ISLR2: variants seen among roughly 807,000 people sequenced by gnomAD.
ISLR2 encodes immunoglobulin superfamily containing leucine-rich repeat protein 2.
Under a neutral mutation model 25.5 loss-of-function variants are expected in ISLR2, and 16 were observed. The ratio of observed to expected loss-of-function variants is 0.63; its 90% CI spans 0.43 to 0.95. ISLR2 has a LOEUF of 0.95. Ranked by LOEUF, ISLR2 falls within the 40% of genes least tolerant of loss-of-function variation. The pLI is 0.00. For missense variants in ISLR2, 883 were observed against 1,030.7 expected (o/e 0.86, Z 1.96); for synonymous variants, 508 against 486.6 (o/e 1.04, Z -0.58).
At position 74,123,083 on chromosome 15, in the gene ISLR2, T is replaced by G. The variant is rs566905267; in HGVS notation, n.229-8124T>G. Among the ~76,000 whole-genome samples the G allele has an allele frequency of 4.6e-5, 7 of 152,170 alleles. No homozygotes were observed. In the South Asian group the frequency reaches 1.5e-3, roughly 32 times the overall value. ...TCAGTGATCAGATTTTAACCTCAAA[T>G]AGCAGTGCCCCAACCGCCCCTGAAT... is the stretch of plus-strand genomic sequence containing the variant. On this transcript the variant is annotated intron_variant and non_coding_transcript_variant, in intron 2 of 3. Transcript: ENST00000561975.
Position 74,134,782 on chromosome 15 carries a change from C to T in ISLR2, c.2028C>T (p.Gly676=). The T allele has an allele frequency of 1.2e-6, 2 of 1,613,936 alleles. No individual in the cohort carries two copies. Among genetic ancestry groups the T allele is most frequent in the East Asian group, 4.5e-5 (2 of 44,846 alleles). ...GEEPEDVQGE[G]LDEDAEQGDP... ...AGCCAGAGGACGTGCAGGGGGAGGG[C>T]CTTGATGAAGACGCGGAGCAGGGAG... is the stretch of plus-strand genomic sequence containing the variant. The change falls in exon 3 of 3, where the codon GGC becomes GGT. Residue 676 remains glycine (G), a synonymous_variant. Transcript: ENST00000453268.
Position 74,133,340 on chromosome 15 carries a change from G to A in ISLR2, c.586G>A (p.Ala196Thr), listed in dbSNP as rs1351699934. The change falls in exon 3 of 3, where the codon GCC (alanine) becomes ACC (threonine). Residue 196 changes from alanine to threonine, a missense_variant. Ala to Thr is a moderately conservative substitution (Grantham distance 58, BLOSUM62 0). Coordinates refer to ENST00000453268, the MANE Select transcript of ISLR2 (RefSeq NM_020851.3). The stretch of plus-strand genomic sequence containing the variant: ...CGGCCTTGTGTGGCTGCAGGCCTGG[G>A]CCGCGAGCACCCGGGTGTCCTTACC... ...GCGLVWLQAW[A>T]ASTRVSLPEP... The A allele has an allele frequency of 1.2e-6, 2 of 1,608,958 alleles. No individual in the cohort carries two copies. The highest frequency in any genetic ancestry group is 1.1e-5 in the South Asian group (1 of 91,060).
chr15:74,135,109 T>G lies in ISLR2; in HGVS notation c.*117T>G. 1.6e-6 allele frequency: 2 copies of G among 1,261,088 alleles called. No individual in the cohort carries two copies. Among genetic ancestry groups the G allele is most frequent in the East Asian group, 4.7e-5 (2 of 42,160 alleles). The allele number at this position is 1,261,088 out of a possible 1,614,324, so 78.1% of individuals were successfully genotyped here. On this transcript the variant is annotated 3_prime_UTR_variant, in exon 3 of 3. Coordinates refer to ENST00000453268, the MANE Select transcript of ISLR2 (RefSeq NM_020851.3). ...CCCAACCTTCACCTACTCCTCCCCCTTACTACTCCCCAACCTTGACTACCA... is the reference window on the plus strand; with the variant it reads ...CCCAACCTTCACCTACTCCTCCCCCGTACTACTCCCCAACCTTGACTACCA...
chr15:74,138,928 G>A (rs2141970034), downstream of ISLR2, among the ~76,000 whole-genome samples: 1 of 152,312 alleles, frequency 6.6e-6, no homozygotes, highest in African/African-American at 2.4e-5. Context: ...GGCCTGGCTG[G>A]GCCAGTGAGT....
intron 2 of ISLR2, among the ~76,000 whole-genome samples, chr15:74,117,193 T>C (rs1653319919): frequency 6.6e-6 from 1 of 152,198 alleles, no homozygotes; most frequent in African/African-American, 2.4e-5. Flanking sequence ...CCCAGATCCC[T>C]TTGGAGAAGG....
intron 2 of ISLR2, among the ~76,000 whole-genome samples, chr15:74,111,043 G>A (rs1447671748): frequency 2.8e-4 from 43 of 151,152 alleles, no homozygotes; most frequent in Admixed American, 2.8e-3. Flanking sequence ...AGGAGGCTGA[G>A]GCAGGAGAAT....
chr15:74,115,088 A>G (rs558868703), intron 2 of ISLR2, among the ~76,000 whole-genome samples: 2 of 152,360 alleles, frequency 1.3e-5, no homozygotes, highest in African/African-American at 4.8e-5. Flanking sequence ...GAAAGCAGAC[A>G]GAAGAATCCC....
intron 1 of ISLR2, among the ~76,000 whole-genome samples, chr15:74,100,752 A>G (rs2072078342): frequency 2.0e-5 from 3 of 147,016 alleles, no homozygotes; most frequent in Non-Finnish European, 4.5e-5. Flanking sequence ...CTTCAAGTGC[A>G]TGGGTATTTT....
upstream of ISLR2, among the ~76,000 whole-genome samples, chr15:74,124,434 G>T (rs1311442325): frequency 6.6e-6 from 1 of 152,102 alleles, no homozygotes. Context: ...GAAAAGAGAA[G>T]CCTGTCTTTC....
At chr15:74,105,947 G>C (rs2072116386) in intron 2 of ISLR2, among the ~76,000 whole-genome samples, 1 of 152,130 alleles carries the variant, frequency 6.6e-6, no homozygotes. Context: ...CAGAACAAAT[G>C]GAACCAAGTC....
chr15:74,110,635 T>C (rs1197403906), intron 2 of ISLR2, among the ~76,000 whole-genome samples: 2 of 145,158 alleles, frequency 1.4e-5, no homozygotes, highest in Non-Finnish European at 3.0e-5. Flanking sequence ...CTGGCCAACA[T>C]GGTGAAACCC....
chr15:74,133,943 C>T lies in ISLR2; in HGVS notation c.1189C>T (p.Arg397Cys). The T allele has an allele frequency of 6.2e-7, 1 of 1,606,096 alleles. No homozygotes were observed. Among genetic ancestry groups the T allele is most frequent in the South Asian group, 1.1e-5 (1 of 90,024 alleles). ...EPDGQAPTSERKSTAKGRGNS... is the reference protein window; with the variant it reads ...EPDGQAPTSECKSTAKGRGNS... ...CGACGGACAGGCCCCGACCTCTGAG[C>T]GCAAGTCCACAGCCAAGGGCCGGGG... is the stretch of plus-strand genomic sequence containing the variant. The change falls in exon 3 of 3, where the codon CGC (arginine) becomes TGC (cysteine). Residue 397 changes from arginine to cysteine, a missense_variant. By Grantham distance (180) the Arg-to-Cys change is radical. Transcript: ENST00000453268.
At chr15:74,122,801 G>A (rs918646669) in intron 2 of ISLR2, among the ~76,000 whole-genome samples, 7 of 152,224 alleles carry the variant, frequency 4.6e-5, no homozygotes, top group African/African-American at 1.7e-4. Context: ...GGACAGTGGA[G>A]GGGAAGGCCC....
At chr15:74,104,185 G>A (rs2072102352) in intron 2 of ISLR2, among the ~76,000 whole-genome samples, 1 of 152,174 alleles carries the variant, frequency 6.6e-6, no homozygotes, top group South Asian at 2.1e-4. Flanking sequence ...CTCAACTGGA[G>A]GTGATTTTGC....
intron 2 of ISLR2, among the ~76,000 whole-genome samples, chr15:74,119,385 A>AT (rs1343109469): frequency 6.6e-6 from 1 of 151,958 alleles, no homozygotes; most frequent in Admixed American, 6.6e-5. Flanking sequence ...TAATTTTTAA[A>AT]TTTTTTGTAG....
At chr15:74,124,423 G>A (rs1424787188), upstream of ISLR2, among the ~76,000 whole-genome samples, 4 of 151,980 alleles carry the variant, frequency 2.6e-5, no homozygotes, top group Non-Finnish European at 4.4e-5. Flanking sequence ...CTGTGGCTTC[G>A]GAAAAGAGAA....
intron 2 of ISLR2, among the ~76,000 whole-genome samples, chr15:74,116,737 C>T (rs553143864): frequency 7.2e-5 from 11 of 152,240 alleles, no homozygotes; most frequent in African/African-American, 2.6e-4. Context: ...GCACAAGGGA[C>T]AGGTGGGGAA....
intron 2 of ISLR2, among the ~76,000 whole-genome samples, chr15:74,115,211 G>A (rs1300793644): frequency 1.3e-5 from 2 of 152,162 alleles, no homozygotes; most frequent in Admixed American, 1.3e-4. Flanking sequence ...CCTTAATAGT[G>A]GGGCTAAATG....
chr15:74,134,759 C>T lies in ISLR2; in HGVS notation c.2005C>T (p.Pro669Ser). 6.2e-7 allele frequency: 1 copy of T among 1,613,956 alleles called. No homozygotes were observed. The highest frequency in any genetic ancestry group is 8.5e-7 in the Non-Finnish European group (1 of 1,179,928). The change falls in exon 3 of 3, where the codon CCA becomes TCA. Residue 669 changes from proline to serine, a missense_variant. Pro to Ser is a moderately conservative substitution (Grantham distance 74). Around this residue, in one of 2 missense-constraint regions of ISLR2, gnomAD observed 612 missense variants for 642.8 expected, o/e 0.95. Transcript: ENST00000453268. Reference protein sequence around the residue: ...PAGGEAGGEEPEDVQGEGLDE... With the variant: ...PAGGEAGGEESEDVQGEGLDE... ...AGGCGGCGAGGCGGGCGGCGAGGAG[C>T]CAGAGGACGTGCAGGGGGAGGGCCT... is the stretch of plus-strand genomic sequence containing the variant.
Sources: gnomAD v4.1 joint callset for allele counts (sites outside exome capture counted in the v4.1 genomes callset) on GRCh38, gnomAD v4.1.1 for gene constraint, gnomAD v4.1.1 regional missense constraint, MANE v1.5 for transcripts, NCBI Gene and HGNC (gene_info 2026-07-23, HGNC 2026-07-21) for gene names.